The following UGT2A2 variants were observed in gnomAD, a reference collection of about 807,000 sequenced individuals.
The protein encoded by UGT2A2 is UDP-glucuronosyltransferase 2A2.
A neutral mutation model predicts 50.7 loss-of-function variants in UGT2A2; 60 were observed. The observed-to-expected ratio is 1.18, with a 90% CI of 0.96 to 1.47. The LOEUF is 1.47. Among genes scored for constraint, UGT2A2 ranks in the 40% most tolerant of loss-of-function variants. UGT2A2 has a pLI of 0.00. For missense variants in UGT2A2, 762 were observed against 634.0 expected (o/e 1.20, Z -2.17); for synonymous variants, 242 against 214.6 (o/e 1.13, Z -1.11).
chr4:69,601,870 G>A lies in UGT2A2; in HGVS notation c.743-2476C>T, dbSNP rs1246316333. On this transcript the variant is annotated intron_variant, in intron 1 of 5. Transcript: ENST00000604629. ...TAGAGGAGCAGCAGCACTCATAGTA[G>A]TCTGGCCCTCAGAGACTCTTACTCT... is the stretch of plus-strand genomic sequence containing the variant. 1.5e-5 allele frequency among the ~76,000 whole-genome samples: 2 copies of A among 136,584 alleles called. 1 individual carries two copies. Among genetic ancestry groups the A allele is most frequent in the African/African-American group, 5.9e-5 (2 of 33,670 alleles). 89.6% of individuals were successfully genotyped at this position (136,584 alleles called of 152,430 possible).
At chr4:69,612,460 A>G (rs1720121955) in intron 1 of UGT2A2, among the ~76,000 whole-genome samples, 2 of 152,052 alleles carry the variant, frequency 1.3e-5, no homozygotes, top group Non-Finnish European at 2.9e-5. Context: ...ACTAAGCCGA[A>G]AGCACCATAC....
chr4:69,617,325 T>C (rs1279574569), intron 1 of UGT2A2, among the ~76,000 whole-genome samples: 1 of 151,906 alleles, frequency 6.6e-6, no homozygotes, highest in Non-Finnish European at 1.5e-5. Flanking sequence ...ATAAGTATGG[T>C]GAGTCCAAAT....
In UGT2A2 at chr4:69,593,973, T is replaced by G. The variant is rs530103738; in HGVS notation, c.1331+504A>C. Among the ~76,000 whole-genome samples, 217 of 104,396 alleles carry G rather than the reference T, an allele frequency of 2.1e-3. 10 individuals carry two copies. The highest frequency in any genetic ancestry group is 0.013 in the Admixed American group (119 of 9,424). 68.5% of individuals were successfully genotyped at this position (104,396 alleles called of 152,430 possible). On this transcript the variant is annotated intron_variant, in intron 5 of 5. Coordinates refer to ENST00000604629, the MANE Select transcript of UGT2A2 (RefSeq NM_001105677.2). ...TTGAAATAATATTTGAAGTCTTTTTTTTTGTTTGTTTTTTTTTTTGAGACT... is the reference window on the plus strand; with the variant it reads ...TTGAAATAATATTTGAAGTCTTTTTGTTTGTTTGTTTTTTTTTTTGAGACT...
intron 1 of UGT2A2, 131 bp downstream of exon 1, chr4:69,638,764 ATTGT>A: frequency 8.9e-7 from 1 of 1,117,546 alleles, no homozygotes; most frequent in Non-Finnish European, 1.2e-6. Flanking sequence ...TAATCAGGGA[ATTGT>A]TTGTACAGAG....
chr4:69,593,772 T>A (rs1718723293), intron 5 of UGT2A2, among the ~76,000 whole-genome samples: 1 of 151,862 alleles, frequency 6.6e-6, no homozygotes, highest in Non-Finnish European at 1.5e-5. Flanking sequence ...TGGTATATAC[T>A]CAGTGTGAAT....
chr4:69,603,341 A>G (rs1480533329), intron 1 of UGT2A2, among the ~76,000 whole-genome samples: 1 of 137,228 alleles, frequency 7.3e-6, no homozygotes, highest in Non-Finnish European at 1.6e-5. Context: ...CATGAATGAC[A>G]AAGATGCAGG....
At chr4:69,602,318 G>A (rs762420473) in intron 1 of UGT2A2, among the ~76,000 whole-genome samples, 1 of 137,102 alleles carries the variant, frequency 7.3e-6, no homozygotes. Flanking sequence ...TTCATCAAAT[G>A]TAACCTTTAT....
At chr4:69,609,305 C>A (rs553976334) in intron 1 of UGT2A2, among the ~76,000 whole-genome samples, 1 of 152,142 alleles carries the variant, frequency 6.6e-6, no homozygotes, top group African/African-American at 2.4e-5. Flanking sequence ...GTGCACAACA[C>A]CAAACCTAGC....
At chr4:69,626,640 A>G (rs1721074690) in intron 1 of UGT2A2, among the ~76,000 whole-genome samples, 1 of 149,846 alleles carries the variant, frequency 6.7e-6, no homozygotes, top group Non-Finnish European at 1.5e-5. Context: ...AAATGAAAGC[A>G]GAAGATAAAA....
intron 1 of UGT2A2, among the ~76,000 whole-genome samples, chr4:69,621,804 T>A (rs924360786): frequency 4.6e-5 from 7 of 151,940 alleles, no homozygotes; most frequent in Non-Finnish European, 7.4e-5. Flanking sequence ...ATATGCATCA[T>A]AGAAAACTAC....
chr4:69,595,452 G>A (rs568554942), intron 3 of UGT2A2, among the ~76,000 whole-genome samples: 2 of 152,282 alleles, frequency 1.3e-5, no homozygotes, highest in African/African-American at 4.8e-5. Context: ...ACCAAGTATA[G>A]TATTATTGTT....
At chr4:69,632,785 C>T (rs1482613941) in intron 1 of UGT2A2, among the ~76,000 whole-genome samples, 5 of 151,236 alleles carry the variant, frequency 3.3e-5, no homozygotes, top group East Asian at 1.9e-4. Flanking sequence ...CTACTCTGGA[C>T]GCAGAGGCAG....
chr4:69,594,718 A>T (rs773665331), intron 4 of UGT2A2, 22 bp from the exon 5 acceptor site: 2 of 1,604,066 alleles, frequency 1.2e-6, no homozygotes, highest in Non-Finnish European at 1.7e-6. Context: ...ATGGAGTGAG[A>T]AGTGGGTGTG....
Position 69,639,533 on chromosome 4 carries a change from A to G in UGT2A2, c.108T>C (p.Pro36=). ...VVLSGNVLIW[P]TDGSHWLNIK... is the part of the protein sequence containing the mutation. ...TATTTAACCAATGGCTACCATCTGT[A>G]GGCCAAATTAACACATTCCCACTTA... Residue 36 remains proline, a synonymous_variant, in exon 1 of 6, where the codon CCT becomes CCC. Transcript: ENST00000604629. 1 of 1,613,252 alleles carries G rather than the reference A, an allele frequency of 6.2e-7. No homozygotes were observed. Among genetic ancestry groups the G allele is most frequent in the African/African-American group, 1.3e-5 (1 of 75,010 alleles).
At chr4:69,595,570 A>G (rs899022435) in intron 3 of UGT2A2, among the ~76,000 whole-genome samples, 1 of 152,178 alleles carries the variant, frequency 6.6e-6, no homozygotes, top group African/African-American at 2.4e-5. Flanking sequence ...AAAATCATGA[A>G]GAGTGTTATG....
chr4:69,620,200 T>C (rs1720660692), intron 1 of UGT2A2, among the ~76,000 whole-genome samples: 1 of 151,906 alleles, frequency 6.6e-6, no homozygotes, highest in Admixed American at 6.6e-5. Flanking sequence ...ACTTTCCTGG[T>C]TCACACACAA....
chr4:69,606,742 A>C (rs1316827474), intron 1 of UGT2A2, among the ~76,000 whole-genome samples: 1 of 137,016 alleles, frequency 7.3e-6, no homozygotes, highest in African/African-American at 3.0e-5. Context: ...TACAAAATCA[A>C]TGTGCAAAAA....
At chr4:69,616,850 T>TTTTTG (rs1720433078) in intron 1 of UGT2A2, among the ~76,000 whole-genome samples, 1 of 129,438 alleles carries the variant, frequency 7.7e-6, no homozygotes, top group African/African-American at 2.9e-5. Context: ...TTTTTTTTTT[T>TTTTTG]GAATAGTGGT....
At chr4:69,626,059 A>G (rs1338109882) in intron 1 of UGT2A2, among the ~76,000 whole-genome samples, 1 of 151,560 alleles carries the variant, frequency 6.6e-6, no homozygotes, top group Non-Finnish European at 1.5e-5. Flanking sequence ...TCTGTTTAAT[A>G]ATATGCTATT....
Sources: allele counts gnomAD v4.1 joint callset (sites outside exome capture counted in the v4.1 genomes callset), GRCh38; gene constraint gnomAD v4.1.1; transcripts MANE v1.5; gene names NCBI Gene and HGNC (gene_info 2026-07-23, HGNC 2026-07-21).